The following CSRNP3 variants were observed in gnomAD, a reference collection of about 807,000 sequenced individuals.
The protein encoded by CSRNP3 is cysteine and serine rich nuclear protein 3.
A neutral mutation model predicts 48.0 loss-of-function variants in CSRNP3; 12 were observed. The observed-to-expected ratio is 0.25, with a 90% CI of 0.16 to 0.41. CSRNP3 has a LOEUF of 0.41. Ranked by LOEUF, CSRNP3 falls within the 10% of genes least tolerant of loss-of-function variation. CSRNP3 has a pLI of 1.00. For missense variants in CSRNP3, 580 were observed against 724.4 expected, an observed-to-expected ratio of 0.80 and a Z score of 2.29; for synonymous variants, 263 against 269.7, an observed-to-expected ratio of 0.98 and a Z score of 0.24.
chr2:165,661,046 T>TC, intron 5 of CSRNP3, among the ~76,000 whole-genome samples: 1 of 152,346 alleles, frequency 6.6e-6, no homozygotes, highest in East Asian at 1.9e-4. Context: ...GTGTATATTT[T>TC]CATTGTAATT....
At chr2:165,633,872 A>G (rs1343745520) in intron 4 of CSRNP3, among the ~76,000 whole-genome samples, 1 of 152,124 alleles carries the variant, frequency 6.6e-6, no homozygotes, top group African/African-American at 2.4e-5. Context: ...ACTTTCCTGA[A>G]CTGTTGAAAT....
chr2:165,536,995 C>G (rs1446048585), intron 3 of CSRNP3, among the ~76,000 whole-genome samples: 3 of 151,786 alleles, frequency 2.0e-5, no homozygotes, highest in Non-Finnish European at 2.9e-5. Flanking sequence ...GAAATTGAAA[C>G]CAGGATACAT....
chr2:165,520,148 C>T (rs1225879695), intron 3 of CSRNP3, among the ~76,000 whole-genome samples: 1 of 152,110 alleles, frequency 6.6e-6, no homozygotes, highest in Non-Finnish European at 1.5e-5. Flanking sequence ...ATAGGTCTAT[C>T]TATGTGCATT....
intron 4 of CSRNP3, among the ~76,000 whole-genome samples, chr2:165,610,396 A>G (rs543904150): frequency 2.4e-4 from 37 of 152,324 alleles, no homozygotes; most frequent in African/African-American, 7.0e-4. Flanking sequence ...TAAATGAGAT[A>G]AGCTCTACAA....
intron 3 of CSRNP3, among the ~76,000 whole-genome samples, chr2:165,520,783 TTATATATATATATATATATATATA>T (rs869287628): frequency 1.0e-4 from 3 of 29,730 alleles, no homozygotes; most frequent in Non-Finnish European, 1.6e-4. Context: ...TATATATATA[TTATATATATATATATATATATATA>T]TATATATATA....
chr2:165,577,411 T>C (rs1467238491), intron 3 of CSRNP3, among the ~76,000 whole-genome samples: 1 of 151,520 alleles, frequency 6.6e-6, no homozygotes, highest in East Asian at 1.9e-4. Context: ...TCTAGTAGAG[T>C]TGGAAAATAA....
chr2:165,532,055 A>T (rs1394034183), intron 3 of CSRNP3, among the ~76,000 whole-genome samples: 1 of 152,160 alleles, frequency 6.6e-6, no homozygotes, highest in Non-Finnish European at 1.5e-5. Context: ...TCTGAAATTG[A>T]GGCAACAATC....
At chr2:165,517,631 A>G (rs1444198115) in intron 2 of CSRNP3, among the ~76,000 whole-genome samples, 3 of 151,986 alleles carry the variant, frequency 2.0e-5, no homozygotes, top group Non-Finnish European at 4.4e-5. Context: ...TGAAAACCAG[A>G]TAAATAAATG....
chr2:165,677,583 TAAAA>T (rs34615804), intron 6 of CSRNP3, among the ~76,000 whole-genome samples: 2 of 144,686 alleles, frequency 1.4e-5, no homozygotes, highest in African/African-American at 2.6e-5. Context: ...GATTCATGAG[TAAAA>T]AAAAAAAAAA....
intron 3 of CSRNP3, among the ~76,000 whole-genome samples, chr2:165,521,202 A>C (rs966083048): frequency 1.3e-5 from 2 of 151,806 alleles, no homozygotes; most frequent in South Asian, 4.2e-4. Flanking sequence ...AAAATTAGAG[A>C]TGCAGAGGGC....
intron 3 of CSRNP3, among the ~76,000 whole-genome samples, chr2:165,558,829 A>C (rs1685194668): frequency 6.6e-6 from 1 of 152,188 alleles, no homozygotes; most frequent in Admixed American, 6.5e-5. Flanking sequence ...TCCCACAATC[A>C]ATCTTTGCAT....
intron 4 of CSRNP3, among the ~76,000 whole-genome samples, chr2:165,603,174 C>T (rs997456902): frequency 6.6e-6 from 1 of 152,154 alleles, no homozygotes; most frequent in African/African-American, 2.4e-5. Flanking sequence ...GGATTACAGG[C>T]GTGAGCCACC....
At chr2:165,671,042 A>G (rs1687319650) in intron 5 of CSRNP3, among the ~76,000 whole-genome samples, 1 of 152,238 alleles carries the variant, frequency 6.6e-6, no homozygotes, top group African/African-American at 2.4e-5. Context: ...GTTTAATTCC[A>G]TGTTAAATTC....
chr2:165,682,828 A>C lies in CSRNP3; in HGVS notation c.*3075A>C, dbSNP rs1687569829. Reference sequence around the variant, plus strand: ...CAAGCTACATGCAGCCAGTTGGAATACTTAAGATCTTTATGCCAAGACACA... The same window carrying C: ...CAAGCTACATGCAGCCAGTTGGAATCCTTAAGATCTTTATGCCAAGACACA... On this transcript the variant is annotated 3_prime_UTR_variant, in exon 7 of 7. Coordinates refer to ENST00000651982, the MANE Select transcript of CSRNP3 (RefSeq NM_001172173.2). The C allele has an allele frequency of 1.3e-5, 2 of 152,112 alleles. No homozygotes were observed. Among genetic ancestry groups the C allele is most frequent in the Admixed American group, 1.3e-4 (2 of 15,252 alleles). The allele number at this position is 152,112 out of a possible 1,614,324, so 9.4% of individuals were successfully genotyped here.
intron 1 of CSRNP3, among the ~76,000 whole-genome samples, chr2:165,477,504 A>AT (rs1683979609): frequency 7.6e-6 from 1 of 132,192 alleles, no homozygotes; most frequent in African/African-American, 2.8e-5. Context: ...ATATAATACA[A>AT]ATATATATAT....
rs200779869 is a variant in CSRNP3, at chr2:165,674,608, C to CAT, written c.409-1690_409-1689dup. ...ATGATCACAGATTTTAACTCTGAAACATATATATATATATAAATAAAATAT... is the reference window on the plus strand; with the variant it reads ...ATGATCACAGATTTTAACTCTGAAACATATATATATATATATAAATAAAATAT... On this transcript the variant is annotated intron_variant, in intron 5 of 6. Coordinates refer to ENST00000651982, the MANE Select transcript of CSRNP3 (RefSeq NM_001172173.2). Among the ~76,000 whole-genome samples, 159 of 135,492 alleles carry CAT rather than the reference C, an allele frequency of 1.2e-3. No homozygotes were observed. In the East Asian group the frequency reaches 0.018, roughly 16 times the overall value. The allele number at this position is 135,492 out of a possible 152,430, so 88.9% of individuals were successfully genotyped here. A position where few individuals can be genotyped will look rare whatever the true frequency, so the allele number is the denominator to read the frequency against.
At chr2:165,674,522 G>A (rs759911163) in intron 5 of CSRNP3, among the ~76,000 whole-genome samples, 4 of 150,892 alleles carry the variant, frequency 2.7e-5, no homozygotes, top group African/African-American at 9.8e-5. Flanking sequence ...GCCAAGGAAG[G>A]AAATAAATTT....
chr2:165,608,380 A>G (rs1284437496), intron 4 of CSRNP3, among the ~76,000 whole-genome samples: 1 of 152,162 alleles, frequency 6.6e-6, no homozygotes, highest in African/African-American at 2.4e-5. Context: ...GCTGCCTTTC[A>G]CTGGCATAAG....
rs1250721578 is a variant in CSRNP3 at position 165,687,506 on chromosome 2, A to G, written c.*7753A>G. The G allele has an allele frequency of 6.6e-6, 1 of 152,140 alleles. No homozygotes were observed. Among genetic ancestry groups the G allele is most frequent in the Non-Finnish European group, 1.5e-5 (1 of 68,016 alleles). 9.4% of individuals were successfully genotyped at this position (152,140 alleles called of 1,614,324 possible). A position where few individuals can be genotyped will look rare whatever the true frequency, so the allele number is the denominator to read the frequency against. ...TCTACATTCTTACTTCTAAGTAATG[A>G]CCTTCTCATTAATCTTTCCTTGGCT... On this transcript the variant is annotated 3_prime_UTR_variant, in exon 7 of 7. Coordinates refer to ENST00000651982, the MANE Select transcript of CSRNP3 (RefSeq NM_001172173.2).
Sources: gnomAD v4.1 joint callset for allele counts (sites outside exome capture counted in the v4.1 genomes callset) on GRCh38, gnomAD v4.1.1 for gene constraint, MANE v1.5 for transcripts, NCBI Gene and HGNC (gene_info 2026-07-23, HGNC 2026-07-21) for gene names.